RANBP2: variants seen among roughly 807,000 people sequenced by gnomAD.
The protein encoded by RANBP2 is E3 SUMO-protein ligase RanBP2.
RANBP2 carries 57 observed loss-of-function variants against 303.6 expected under a neutral mutation model. The ratio of observed to expected loss-of-function variants is 0.19; its 90% CI spans 0.15 to 0.23. RANBP2 has a LOEUF of 0.23. Ranked by LOEUF, RANBP2 falls within the 10% of genes least tolerant of loss-of-function variation. RANBP2 has a pLI of 1.00. For synonymous variants in RANBP2, 1,167 were observed against 1,301.5 expected, an observed-to-expected ratio of 0.90 and a Z score of 2.23; for missense variants, 3,138 against 3,780.8, an observed-to-expected ratio of 0.83 and a Z score of 4.46.
At chr2:109,016,171 TC>T in the RANBP2 span, among the ~76,000 whole-genome samples, 3 of 152,134 alleles carry the variant, frequency 2.0e-5, no homozygotes, top group Non-Finnish European at 4.4e-5. Flanking sequence ...AAGCTCCGCC[TC>T]CCGGGTTCAC....
At chr2:109,658,155 T>C in the RANBP2 span, among the ~76,000 whole-genome samples, 2 of 152,158 alleles carry the variant, frequency 1.3e-5, no homozygotes, top group East Asian at 3.9e-4. Flanking sequence ...TCATTCTTAA[T>C]AGGTATAAAT....
At chr2:109,066,022 C>A in the RANBP2 span, among the ~76,000 whole-genome samples, 1 of 152,198 alleles carries the variant, frequency 6.6e-6, no homozygotes, top group African/African-American at 2.4e-5. Flanking sequence ...ACCGTAACCT[C>A]TGCCTCCCGG....
the RANBP2 span, among the ~76,000 whole-genome samples, chr2:109,435,848 CT>C: frequency 2.9e-4 from 44 of 152,214 alleles, no homozygotes; most frequent in African/African-American, 1.0e-3. Context: ...ATGGTTTTGG[CT>C]GACCTGCTAA....
chr2:108,756,708 G>C (rs914142954), intron 17 of RANBP2, among the ~76,000 whole-genome samples: 1 of 152,172 alleles, frequency 6.6e-6, no homozygotes, highest in African/African-American at 2.4e-5. Flanking sequence ...CTTGGTACTA[G>C]TACTGACTCT....
chr2:109,538,745 C>A, the RANBP2 span, among the ~76,000 whole-genome samples: 2 of 152,110 alleles, frequency 1.3e-5, no homozygotes, highest in Non-Finnish European at 2.9e-5. Context: ...GTCTTGAATT[C>A]CTGGTGTGAA....
At chr2:108,911,339 G>T in the RANBP2 span, among the ~76,000 whole-genome samples, 1 of 152,200 alleles carries the variant, frequency 6.6e-6, no homozygotes, top group Non-Finnish European at 1.5e-5. Flanking sequence ...TAGGGAGTTT[G>T]CTCTTGCTTC....
the RANBP2 span, among the ~76,000 whole-genome samples, chr2:109,398,020 C>T: frequency 1.3e-5 from 2 of 152,224 alleles, no homozygotes; most frequent in South Asian, 2.1e-4. Context: ...GCTTCTGGGG[C>T]TTGACAGCCT....
the RANBP2 span, among the ~76,000 whole-genome samples, chr2:109,734,610 C>CT: frequency 4.3e-3 from 641 of 149,446 alleles, 1 homozygote; most frequent in African/African-American, 7.9e-3. Context: ...ATTCTACAGT[C>CT]TTTTTTTTTT....
chr2:108,841,667 G>A, the RANBP2 span, among the ~76,000 whole-genome samples: 1 of 152,016 alleles, frequency 6.6e-6, no homozygotes, highest in South Asian at 2.1e-4. Context: ...GCATACAGCT[G>A]CATTTAGAAA....
downstream of RANBP2, among the ~76,000 whole-genome samples, chr2:108,790,649 C>T (rs1679758300): frequency 6.6e-6 from 1 of 152,106 alleles, no homozygotes; most frequent in South Asian, 2.1e-4. Flanking sequence ...TGCAGTGAGC[C>T]GAGATCGCGC....
chr2:108,815,552 C>T, the RANBP2 span, among the ~76,000 whole-genome samples: 1 of 149,262 alleles, frequency 6.7e-6, no homozygotes, highest in East Asian at 2.0e-4. Flanking sequence ...CTGCAGCCTC[C>T]ACCTCCTGGT....
the RANBP2 span, among the ~76,000 whole-genome samples, chr2:109,705,724 G>A: frequency 6.6e-6 from 1 of 152,188 alleles, no homozygotes; most frequent in Non-Finnish European, 1.5e-5. Flanking sequence ...TCAGTGCAGT[G>A]AACTCCAAAA....
the RANBP2 span, among the ~76,000 whole-genome samples, chr2:109,210,531 G>C: frequency 1.3e-5 from 2 of 152,178 alleles, no homozygotes; most frequent in African/African-American, 4.8e-5. Flanking sequence ...ACAATGAGAT[G>C]GGACATCTGG....
At chr2:109,359,711 T>G in the RANBP2 span, among the ~76,000 whole-genome samples, 1 of 152,300 alleles carries the variant, frequency 6.6e-6, no homozygotes, top group South Asian at 2.1e-4. Flanking sequence ...ATTCCACACC[T>G]GACCTTATGT....
the RANBP2 span, chr2:109,129,506 GGCAGCC>G: frequency 6.7e-7 from 1 of 1,495,548 alleles, no homozygotes. Context: ...CCGGGACCTA[GGCAGCC>G]GCGCGAGACC....
chr2:108,932,745 G>C, the RANBP2 span, among the ~76,000 whole-genome samples: 8 of 152,094 alleles, frequency 5.3e-5, no homozygotes, highest in African/African-American at 9.7e-5. Context: ...TCCTTTAGGA[G>C]ATGCACCCAA....
chr2:109,122,374 C>T, the RANBP2 span, among the ~76,000 whole-genome samples: 1 of 152,182 alleles, frequency 6.6e-6, no homozygotes, highest in South Asian at 2.1e-4. Flanking sequence ...TGAAGCTTAA[C>T]CCTGCTGGGG....
the RANBP2 span, chr2:108,839,082 T>G: frequency 1.1e-5 from 13 of 1,234,878 alleles, no homozygotes; most frequent in Admixed American, 9.1e-5. Context: ...ACTCTTTTGT[T>G]TTGTTTTGTT....
At chr2:108,876,946 T>TTTA in the RANBP2 span, among the ~76,000 whole-genome samples, 1 of 152,160 alleles carries the variant, frequency 6.6e-6, no homozygotes, top group Admixed American at 6.5e-5. Flanking sequence ...GAAGTAAAGG[T>TTTA]GGTAAAACTT....
Sources: gnomAD v4.1 joint callset for allele counts (sites outside exome capture counted in the v4.1 genomes callset) on GRCh38, gnomAD v4.1.1 for gene constraint, MANE v1.5 for transcripts, NCBI Gene and HGNC (gene_info 2026-07-23, HGNC 2026-07-21) for gene names.